Variants in PAICS observed in about 807,000 individuals in gnomAD.
The protein encoded by PAICS is bifunctional phosphoribosylaminoimidazole carboxylase/phosphoribosylaminoimidazole succinocarboxamide synthetase.
A neutral mutation model predicts 53.7 loss-of-function variants in PAICS; 33 were observed. That is an observed-to-expected ratio of 0.61 (90% CI 0.47 to 0.82). PAICS has a LOEUF of 0.82. Among genes scored for constraint, PAICS ranks in the 40% least tolerant of loss-of-function variants. The probability of loss-of-function intolerance (pLI) is 0.00; values close to 1 mark genes in which losing one functional copy is unlikely to be tolerated. For missense variants in PAICS, 394 were observed against 494.1 expected (o/e 0.80, Z 1.92); for synonymous variants, 141 against 167.2 (o/e 0.84, Z 1.21).
upstream of PAICS, among the ~76,000 whole-genome samples, chr4:56,431,108 A>G (rs765245493): frequency 1.3e-5 from 2 of 149,994 alleles, no homozygotes. Flanking sequence ...GACACTTAAA[A>G]TAAGTCACTC....
At chr4:56,431,490 T>A, upstream of PAICS, 1 of 978,494 alleles carries the variant, frequency 1.0e-6, no homozygotes, top group Non-Finnish European at 1.2e-6. Flanking sequence ...CAAAGCGTAA[T>A]AACAGAACCA....
In PAICS at chr4:56,457,356, T is replaced by A. The variant is rs562873038; in HGVS notation, c.1112-2016T>A. ...GGAGCCTGGGAAGTTGAGGCAGCAG[T>A]GAGCCGTGATTGCACCACTGCACTC... is the stretch of plus-strand genomic sequence containing the variant. On this transcript the variant is annotated intron_variant, in intron 8 of 8. Transcript: ENST00000512576. Among the ~76,000 whole-genome samples the A allele has an allele frequency of 9.2e-5, 14 of 152,224 alleles. No individual in the cohort carries two copies. In the South Asian group the frequency reaches 2.9e-3, roughly 32 times the overall value.
the PAICS span, chr4:56,414,202 T>C: frequency 7.9e-5 from 12 of 152,360 alleles, no homozygotes; most frequent in Admixed American, 7.2e-4. Flanking sequence ...TATGTAATGT[T>C]TTCTGGTTTT....
rs1431936983 is a variant in PAICS at position 56,441,704 on chromosome 4, G to C, written c.58G>C (p.Glu20Gln). The C allele has an allele frequency of 6.3e-7, 1 of 1,597,494 alleles. No homozygotes were observed. Among genetic ancestry groups the C allele is most frequent in the Admixed American group, 1.7e-5 (1 of 57,348 alleles). Residue 20 changes from glutamate (E) to glutamine (Q), a missense_variant, in exon 2 of 9, where the codon GAA (glutamate) becomes CAA (glutamine). By Grantham distance (29) the Glu-to-Gln change is conservative. Transcript: ENST00000512576. ...GKKLYEGKTK[E>Q]VYELLDSPGK... ...AAAATTATATGAGGGTAAAACAAAA[G>C]AAGTCTACGAATTGTTAGACAGTCC...
At chr4:56,417,131 G>A in the PAICS span, among the ~76,000 whole-genome samples, 5 of 152,176 alleles carry the variant, frequency 3.3e-5, no homozygotes, top group Non-Finnish European at 7.3e-5. Flanking sequence ...TTACAGGCGT[G>A]AGCCACTGCA....
At chr4:56,423,095 G>A in the PAICS span, 5 of 152,330 alleles carry the variant, frequency 3.3e-5, no homozygotes, top group South Asian at 2.1e-4. Context: ...CTGGGGAGGA[G>A]GAGATCACCA....
the PAICS span, chr4:56,423,585 T>C: frequency 6.6e-6 from 1 of 152,126 alleles, no homozygotes; most frequent in Non-Finnish European, 1.5e-5. Context: ...GTTAGTCCTC[T>C]GGAAAACTTA....
At chr4:56,436,850 A>G (rs1324917423) in intron 1 of PAICS, among the ~76,000 whole-genome samples, 1 of 146,218 alleles carries the variant, frequency 6.8e-6, no homozygotes, top group Non-Finnish European at 1.5e-5. Flanking sequence ...ACAAAAAATT[A>G]GCTGGACGTG....
upstream of PAICS, chr4:56,435,569 T>C: frequency 1.3e-6 from 2 of 1,592,892 alleles, no homozygotes; most frequent in Middle Eastern, 2.3e-4. Context: ...GCTCAGAAGC[T>C]CGCGCTCGCG....
intron 8 of PAICS, among the ~76,000 whole-genome samples, chr4:56,458,296 T>TC (rs955260772): frequency 2.7e-5 from 4 of 148,076 alleles, no homozygotes; most frequent in African/African-American, 1.0e-4. Context: ...TTTTTTTTTT[T>TC]CTGCAATTTA....
chr4:56,459,578 A>G lies in PAICS; in HGVS notation c.*40A>G. On this transcript the variant is annotated 3_prime_UTR_variant, in exon 9 of 9. Transcript: ENST00000512576. ...GAATTTTTTAGGGGAAAAACTACAA[A>G]TTTCTAATTTAGCTGAAGGAAAATC... 2 of 1,426,492 alleles carry G rather than the reference A, an allele frequency of 1.4e-6. No individual in the cohort carries two copies. The highest frequency in any genetic ancestry group is 1.9e-6 in the Non-Finnish European group (2 of 1,046,900). 88.4% of individuals were successfully genotyped at this position (1,426,492 alleles called of 1,614,324 possible).
In PAICS at chr4:56,464,304, T is replaced by C. The variant is rs1033568376; in HGVS notation, c.*4766T>C. 2.6e-5 allele frequency: 4 copies of C among 152,202 alleles called. No homozygotes were observed. The highest frequency in any genetic ancestry group is 1.5e-5 in the Non-Finnish European group (1 of 68,040). 9.4% of individuals were successfully genotyped at this position (152,202 alleles called of 1,614,324 possible). On this transcript the variant is annotated 3_prime_UTR_variant, in exon 9 of 9. Transcript: ENST00000512576. The stretch of plus-strand genomic sequence containing the variant: ...ATTAACCTTCTGCTCTCAATGAATC[T>C]TGGAAGTCTCCAGAGGCAGACAATT...
chr4:56,412,775 A>G, the PAICS span, among the ~76,000 whole-genome samples: 1 of 152,134 alleles, frequency 6.6e-6, no homozygotes, highest in Non-Finnish European at 1.5e-5. Context: ...GAACTTCATC[A>G]TGTCTCATAT....
At chr4:56,445,828 T>C (rs1251317417) in intron 2 of PAICS, among the ~76,000 whole-genome samples, 1 of 152,168 alleles carries the variant, frequency 6.6e-6, no homozygotes, top group Non-Finnish European at 1.5e-5. Flanking sequence ...CCCATGTAGG[T>C]TTCCAGGAGA....
At position 56,444,802 on chromosome 4, in the gene PAICS, G is replaced by A. The variant is rs190079421; in HGVS notation, c.215-1893G>A. Among the ~76,000 whole-genome samples, 456 of 152,124 alleles carry A rather than the reference G, an allele frequency of 3.0e-3. 1 individual carries two copies. The highest frequency in any genetic ancestry group is 0.015 in the South Asian group (70 of 4,818). ...TTTGGTTCTCCTTGGGATTGGCGGG[G>A]GGATCTCTCTAAGACGAAGTTATCT... On this transcript the variant is annotated intron_variant, in intron 2 of 8. Coordinates refer to ENST00000512576, the MANE Select transcript of PAICS (RefSeq NM_001079524.2).
intron 2 of PAICS, 32 bp downstream of exon 2, chr4:56,441,892 CCTT>C (rs1718363323): frequency 7.0e-7 from 1 of 1,420,564 alleles, no homozygotes; most frequent in Non-Finnish European, 9.6e-7. Context: ...TCTTCTCTCA[CCTT>C]CTCTGGTAAG....
At chr4:56,431,488 A>T, upstream of PAICS, 1 of 978,342 alleles carries the variant, frequency 1.0e-6, no homozygotes, top group Non-Finnish European at 1.2e-6. Flanking sequence ...CTCAAAGCGT[A>T]ATAACAGAAC....
At chr4:56,413,785 T>C in the PAICS span, among the ~76,000 whole-genome samples, 6 of 151,970 alleles carry the variant, frequency 3.9e-5, no homozygotes, top group Non-Finnish European at 8.8e-5. Flanking sequence ...TAATCCCAGC[T>C]ACTTGGGAGG....
At chr4:56,457,754 A>G (rs1719298589) in intron 8 of PAICS, among the ~76,000 whole-genome samples, 1 of 148,688 alleles carries the variant, frequency 6.7e-6, no homozygotes, top group Admixed American at 6.8e-5. Context: ...GGTTCAAGCG[A>G]TTCTCCTGCC....
Sources: allele counts gnomAD v4.1 joint callset (sites outside exome capture counted in the v4.1 genomes callset), GRCh38; gene constraint gnomAD v4.1.1; transcripts MANE v1.5; gene names NCBI Gene and HGNC (gene_info 2026-07-23, HGNC 2026-07-21).